SMG6: variants seen among roughly 807,000 people sequenced by gnomAD.
The protein encoded by SMG6 is telomerase-binding protein EST1A.
A neutral mutation model predicts 142.2 loss-of-function variants in SMG6; 66 were observed. The observed-to-expected ratio is 0.46, with a 90% CI of 0.38 to 0.57. SMG6 has a LOEUF of 0.57. Among genes scored for constraint, SMG6 ranks in the 20% least tolerant of loss-of-function variants. SMG6 has a pLI of 0.00. For synonymous variants in SMG6, 779 were observed against 702.4 expected, an observed-to-expected ratio of 1.11 and a Z score of -1.72; for missense variants, 1,793 against 1,832.0, an observed-to-expected ratio of 0.98 and a Z score of 0.39.
intron 13 of SMG6, among the ~76,000 whole-genome samples, chr17:2,156,287 C>T (rs1427591190): frequency 1.4e-5 from 2 of 147,560 alleles, no homozygotes; most frequent in African/African-American, 2.5e-5. Flanking sequence ...CCAGCTACTC[C>T]GGAGGCTGAG....
intron 8 of SMG6, among the ~76,000 whole-genome samples, chr17:2,277,745 T>C (rs1267079500): frequency 1.3e-5 from 2 of 152,202 alleles, no homozygotes; most frequent in Non-Finnish European, 2.9e-5. Flanking sequence ...TCCTCCTTTT[T>C]GTTAAAAAAT....
intron 13 of SMG6, among the ~76,000 whole-genome samples, chr17:2,160,775 G>A (rs922613465): frequency 9.2e-5 from 14 of 152,076 alleles, no homozygotes; most frequent in African/African-American, 3.4e-4. Flanking sequence ...AGGCTGCAGT[G>A]AGCCATGATT....
At chr17:2,075,597 G>A (rs1237867021) in intron 15 of SMG6, among the ~76,000 whole-genome samples, 3 of 152,246 alleles carry the variant, frequency 2.0e-5, no homozygotes, top group Non-Finnish European at 4.4e-5. Context: ...GCCTGGAGGA[G>A]CATTTTCAGT....
intron 13 of SMG6, among the ~76,000 whole-genome samples, chr17:2,160,165 T>C (rs1296081125): frequency 6.6e-6 from 1 of 152,202 alleles, no homozygotes; most frequent in Non-Finnish European, 1.5e-5. Context: ...TTTCATTGTA[T>C]GTAAATATAT....
chr17:2,129,598 A>G (rs1205976910), intron 13 of SMG6, among the ~76,000 whole-genome samples: 2 of 152,018 alleles, frequency 1.3e-5, no homozygotes, highest in East Asian at 3.9e-4. Context: ...GTTCGAGACC[A>G]GCCTGGCCAA....
chr17:2,124,476 G>C (rs2069806971), intron 13 of SMG6, among the ~76,000 whole-genome samples: 1 of 152,190 alleles, frequency 6.6e-6, no homozygotes, highest in Admixed American at 6.5e-5. Context: ...GTGGATTGGA[G>C]GGTTCCTCCG....
At chr17:2,098,327 CAT>C (rs780196348) in intron 13 of SMG6, among the ~76,000 whole-genome samples, 2 of 152,140 alleles carry the variant, frequency 1.3e-5, no homozygotes, top group Non-Finnish European at 2.9e-5. Flanking sequence ...ATTGTTTTCA[CAT>C]ATGTTGCTAA....
intron 13 of SMG6, among the ~76,000 whole-genome samples, chr17:2,170,741 T>C (rs1159446527): frequency 6.6e-6 from 1 of 152,206 alleles, no homozygotes; most frequent in Non-Finnish European, 1.5e-5. Flanking sequence ...GTTTTTGATA[T>C]ATCAATGTCT....
intron 13 of SMG6, among the ~76,000 whole-genome samples, chr17:2,146,738 G>GT (rs908614293): frequency 2.6e-5 from 4 of 152,074 alleles, no homozygotes; most frequent in South Asian, 2.1e-4. Context: ...GCTAAGTTTT[G>GT]TATTTTTAGT....
intron 13 of SMG6, among the ~76,000 whole-genome samples, chr17:2,164,789 T>C (rs2071283029): frequency 6.6e-6 from 1 of 151,714 alleles, no homozygotes; most frequent in African/African-American, 2.4e-5. Context: ...ACACAAAAAT[T>C]AGCCAGGCGT....
intron 8 of SMG6, among the ~76,000 whole-genome samples, chr17:2,271,784 A>C (rs534783644): frequency 2.8e-4 from 43 of 152,320 alleles, no homozygotes; most frequent in African/African-American, 1.0e-3. Context: ...GCTTTGCCCT[A>C]CTTAACCCAA....
intron 13 of SMG6, among the ~76,000 whole-genome samples, chr17:2,158,784 G>A (rs2071084599): frequency 6.6e-6 from 1 of 151,510 alleles, no homozygotes; most frequent in South Asian, 2.1e-4. Context: ...AGGTGTGGTG[G>A]CGTGCACCCA....
At chr17:2,177,158 G>A (rs2071675510) in intron 12 of SMG6, among the ~76,000 whole-genome samples, 1 of 152,184 alleles carries the variant, frequency 6.6e-6, no homozygotes, top group South Asian at 2.1e-4. Flanking sequence ...GAACTGAGAA[G>A]CCCTGCTCTC....
intron 8 of SMG6, among the ~76,000 whole-genome samples, chr17:2,260,575 T>C (rs1178336355): frequency 6.6e-6 from 1 of 152,216 alleles, no homozygotes; most frequent in Non-Finnish European, 1.5e-5. Flanking sequence ...CTCTGAACAA[T>C]GAAAATCAAT....
chr17:2,087,400 C>T (rs1387561529), intron 13 of SMG6: 2 of 1,186,130 alleles, frequency 1.7e-6, no homozygotes, highest in African/African-American at 3.2e-5. Flanking sequence ...CATCCTCTGC[C>T]ACCTTCACCA....
At chr17:2,063,639 C>A (rs2067850735) in intron 18 of SMG6, among the ~76,000 whole-genome samples, 1 of 152,254 alleles carries the variant, frequency 6.6e-6, no homozygotes. Context: ...CTACCTTTCT[C>A]TCAGGAGGTA....
intron 6 of SMG6, among the ~76,000 whole-genome samples, chr17:2,285,395 G>A (rs1267362936): frequency 6.6e-6 from 1 of 152,158 alleles, no homozygotes; most frequent in African/African-American, 2.4e-5. Context: ...GCGAATCTAG[G>A]TCAGAGGTCT....
chr17:2,166,095 A>G (rs1224509000), intron 13 of SMG6, among the ~76,000 whole-genome samples: 1 of 151,890 alleles, frequency 6.6e-6, no homozygotes, highest in Non-Finnish European at 1.5e-5. Flanking sequence ...GCCTGAAATC[A>G]CAGCTACTCG....
rs1272920715 is a variant in SMG6 at position 2,071,055 on chromosome 17, C to G, written c.3682-2124G>C. ...TCTCCTGGTACCGTGGCTCTCAAAT[C>G]TGTCTTTCTGGGTGAGCAGGGACAG... On this transcript the variant is annotated intron_variant, in intron 15 of 18. Transcript: ENST00000263073. The surrounding 1 kb of genome is among the most constrained non-coding windows in gnomAD (Gnocchi z 5.6). Among the ~76,000 whole-genome samples the G allele has an allele frequency of 6.6e-6, 1 of 152,208 alleles. No homozygotes were observed. The highest frequency in any genetic ancestry group is 1.5e-5 in the Non-Finnish European group (1 of 68,036).
Sources: allele counts gnomAD v4.1 joint callset (sites outside exome capture counted in the v4.1 genomes callset), GRCh38; gene constraint gnomAD v4.1.1; non-coding constraint Gnocchi (gnomAD v3.1); transcripts MANE v1.5; gene names NCBI Gene and HGNC (gene_info 2026-07-23, HGNC 2026-07-21).